FOXO3: variants seen among roughly 807,000 people sequenced by gnomAD.
The protein encoded by FOXO3 is forkhead box protein O3.
Under a neutral mutation model 41.9 loss-of-function variants are expected in FOXO3, and 4 were observed. That is an observed-to-expected ratio of 0.10 (90% CI 0.05 to 0.22). The LOEUF (loss-of-function observed/expected upper bound fraction) is 0.22, where lower values mean the gene tolerates loss of function less well. Among genes scored for constraint, FOXO3 ranks in the 10% least tolerant of loss-of-function variants. The probability of loss-of-function intolerance (pLI) is 1.00; values close to 1 mark genes in which losing one functional copy is unlikely to be tolerated. For synonymous variants in FOXO3, 318 were observed against 389.3 expected, an observed-to-expected ratio of 0.82 and a Z score of 2.16; for missense variants, 534 against 906.8, an observed-to-expected ratio of 0.59 and a Z score of 5.28.
At chr6:108,634,976 A>G (rs1778083328) in intron 1 of FOXO3, among the ~76,000 whole-genome samples, 1 of 151,718 alleles carries the variant, frequency 6.6e-6, no homozygotes, top group Non-Finnish European at 1.5e-5. Context: ...ATGTATATAT[A>G]TATTCATATA....
chr6:108,607,151 C>T (rs1777226772), intron 1 of FOXO3, among the ~76,000 whole-genome samples: 1 of 151,696 alleles, frequency 6.6e-6, no homozygotes, highest in Non-Finnish European at 1.5e-5. Flanking sequence ...ATTGAAATGT[C>T]TTAGAAGAAT....
chr6:108,560,165 AG>A (rs1775731485), upstream of FOXO3: 1 of 152,330 alleles, frequency 6.6e-6, no homozygotes, highest in African/African-American at 2.4e-5. Flanking sequence ...GGACTCGGGA[AG>A]GGGGAAACTG....
chr6:108,638,768 A>G (rs1178221331), intron 1 of FOXO3, among the ~76,000 whole-genome samples: 1 of 152,206 alleles, frequency 6.6e-6, no homozygotes, highest in African/African-American at 2.4e-5. Flanking sequence ...GACAAGGAGC[A>G]ATAAGACCCA....
At chr6:108,665,638 T>G (rs936748703) in intron 2 of FOXO3, among the ~76,000 whole-genome samples, 1 of 152,070 alleles carries the variant, frequency 6.6e-6, no homozygotes, top group East Asian at 1.9e-4. Context: ...ATGGGCAACA[T>G]AGCAAGACTC....
intron 2 of FOXO3, among the ~76,000 whole-genome samples, chr6:108,673,873 T>C (rs1417373599): frequency 1.3e-5 from 2 of 152,196 alleles, no homozygotes; most frequent in African/African-American, 2.4e-5. Context: ...GAACATTTCC[T>C]CCTGTACTAC....
At chr6:108,631,782 A>G (rs1019445044) in intron 1 of FOXO3, among the ~76,000 whole-genome samples, 21 of 152,324 alleles carry the variant, frequency 1.4e-4, no homozygotes, top group African/African-American at 5.1e-4. Context: ...TGCCCATTGT[A>G]TAATTTTAAA....
chr6:108,663,575 C>T lies in FOXO3; in HGVS notation c.742C>T (p.Arg248Trp), dbSNP rs370043657. 11 of 1,613,624 alleles carry T rather than the reference C, an allele frequency of 6.8e-6. No individual in the cohort carries two copies. Among genetic ancestry groups the T allele is most frequent in the Non-Finnish European group, 5.9e-6 (7 of 1,179,696 alleles). The change falls in exon 2 of 3, where the codon CGG (arginine) becomes TGG (tryptophan). Residue 248 changes from arginine to tryptophan, a missense_variant. Arg to Trp is a moderately radical substitution (Grantham distance 101). Around this residue, in one of 8 missense-constraint regions of FOXO3, gnomAD observed 77 missense variants for 193.2 expected, o/e 0.40. Coordinates refer to ENST00000406360, the MANE Select transcript of FOXO3 (RefSeq NM_001455.4). Reference sequence around the variant, plus strand: ...TGGGGGGAAGAGCGGAAAAGCCCCCCGGCGGCGGGCTGTCTCCATGGACAA... The same window carrying T: ...TGGGGGGAAGAGCGGAAAAGCCCCCTGGCGGCGGGCTGTCTCCATGGACAA... ...PDGGKSGKAPRRRAVSMDNSN... is the reference protein window; with the variant it reads ...PDGGKSGKAPWRRAVSMDNSN...
At chr6:108,618,419 C>G (rs1036389384) in intron 1 of FOXO3, 1 of 470,180 alleles carries the variant, frequency 2.1e-6, no homozygotes, top group Non-Finnish European at 3.9e-6. Flanking sequence ...GGGAATTTTA[C>G]TTCATTGAGT....
At chr6:108,611,146 C>T (rs1015173026) in intron 1 of FOXO3, among the ~76,000 whole-genome samples, 1 of 152,132 alleles carries the variant, frequency 6.6e-6, no homozygotes, top group East Asian at 1.9e-4. Context: ...TAGTAGAGTG[C>T]ATTTGAGATT....
chr6:108,560,682 CAT>C (rs1235756954), upstream of FOXO3, among the ~76,000 whole-genome samples: 4 of 152,114 alleles, frequency 2.6e-5, no homozygotes, highest in Admixed American at 6.5e-5. Context: ...CCGAGCGAAA[CAT>C]AAACAAACGC....
chr6:108,647,614 C>G (rs143532603), intron 1 of FOXO3, among the ~76,000 whole-genome samples: 2 of 152,238 alleles, frequency 1.3e-5, no homozygotes, highest in African/African-American at 4.8e-5. Flanking sequence ...CATTATTTGA[C>G]CATGTGGCAA....
intron 1 of FOXO3, among the ~76,000 whole-genome samples, chr6:108,576,554 A>C (rs185335502): frequency 5.3e-4 from 81 of 152,356 alleles, no homozygotes; most frequent in Non-Finnish European, 9.8e-4. Context: ...CTTTAAAATA[A>C]ATTGTTTACC....
At chr6:108,565,217 A>G (rs1349359423) in intron 1 of FOXO3, among the ~76,000 whole-genome samples, 3 of 152,198 alleles carry the variant, frequency 2.0e-5, no homozygotes, top group African/African-American at 4.8e-5. Flanking sequence ...TGAAGTGATA[A>G]AAGAGGTAAG....
chr6:108,655,310 T>A (rs951121008), intron 1 of FOXO3, among the ~76,000 whole-genome samples: 1 of 152,196 alleles, frequency 6.6e-6, no homozygotes, highest in Non-Finnish European at 1.5e-5. Context: ...CCCTAGCTCT[T>A]ATTCTGCACA....
intron 2 of FOXO3, 82 bp downstream of exon 2, chr6:108,664,971 T>G (rs1306823231): frequency 7.4e-6 from 10 of 1,357,744 alleles, no homozygotes; most frequent in Non-Finnish European, 6.0e-6. Context: ...TCTCTTTACT[T>G]TGAACTTTAT....
intron 1 of FOXO3, among the ~76,000 whole-genome samples, chr6:108,562,820 A>C (rs1471432007): frequency 2.0e-5 from 3 of 152,222 alleles, no homozygotes. Flanking sequence ...GGGTATCCAA[A>C]GAGATTAACT....
rs141876866 is a variant in FOXO3, at chr6:108,664,077, C to T, written c.1244C>T (p.Pro415Leu). 126 of 1,614,068 alleles carry T rather than the reference C, an allele frequency of 7.8e-5. No homozygotes were observed. The African/African-American group carries it at 1.5e-3, about 20-fold the overall frequency. Reference sequence around the variant, plus strand: ...CTCATGCAGCGGAGCTCTAGCTTCCCGTATACCACCAAGGGCTCGGGCCTG... The same window carrying T: ...CTCATGCAGCGGAGCTCTAGCTTCCTGTATACCACCAAGGGCTCGGGCCTG... ...GGLMQRSSSFPYTTKGSGLGS... is the reference protein window; with the variant it reads ...GGLMQRSSSFLYTTKGSGLGS... Residue 415 changes from proline (P) to leucine (L), a missense_variant, in exon 2 of 3, where the codon CCG becomes CTG. Pro to Leu is a moderately conservative substitution (Grantham distance 98). This residue lies in a region of FOXO3 where 185 missense variants were observed against 224.9 expected (regional missense o/e 0.82). Coordinates refer to ENST00000406360, the MANE Select transcript of FOXO3 (RefSeq NM_001455.4).
At chr6:108,640,479 A>C (rs1020699312) in intron 1 of FOXO3, among the ~76,000 whole-genome samples, 2 of 152,238 alleles carry the variant, frequency 1.3e-5, no homozygotes, top group Non-Finnish European at 2.9e-5. Flanking sequence ...ACTTGTATTA[A>C]ATAAATTCAC....
At chr6:108,571,383 G>A (rs931117642) in intron 1 of FOXO3, among the ~76,000 whole-genome samples, 10 of 152,164 alleles carry the variant, frequency 6.6e-5, no homozygotes, top group African/African-American at 2.2e-4. Context: ...GGCAGTTGGA[G>A]AGGGTTAAAT....
Sources: allele counts gnomAD v4.1 joint callset (sites outside exome capture counted in the v4.1 genomes callset), GRCh38; gene constraint gnomAD v4.1.1; regional missense constraint gnomAD v4.1.1; transcripts MANE v1.5; gene names NCBI Gene and HGNC (gene_info 2026-07-23, HGNC 2026-07-21).